RANBP17: variants seen among roughly 807,000 people sequenced by gnomAD.
The protein encoded by RANBP17 is ran-binding protein 17.
A neutral mutation model predicts 141.2 loss-of-function variants in RANBP17; 158 were observed. The ratio of observed to expected loss-of-function variants is 1.12; its 90% CI spans 0.98 to 1.28. The LOEUF (loss-of-function observed/expected upper bound fraction) is 1.28. Ranked by LOEUF, RANBP17 falls within the 50% of genes most tolerant of loss-of-function variation. The pLI is 0.00. For missense variants in RANBP17, 1,438 were observed against 1,290.7 expected (o/e 1.11, Z -1.75); for synonymous variants, 430 against 450.0 (o/e 0.96, Z 0.56).
rs556894450 is a variant in RANBP17 at position 171,125,905 on chromosome 5, A to G, written c.1711-44225A>G. ...TCCTGGGTTCAAGCAATTCTGCCTC[A>G]GCCTCCAGAGTAGCTAGGGTTACAG... On this transcript the variant is annotated intron_variant, in intron 14 of 27. Transcript: ENST00000523189. Among the ~76,000 whole-genome samples, 21 of 151,798 alleles carry G rather than the reference A, an allele frequency of 1.4e-4. 1 individual carries two copies. The South Asian group carries it at 4.4e-3, about 32-fold the overall frequency.
At chr5:171,121,348 G>A (rs938929178) in intron 14 of RANBP17, among the ~76,000 whole-genome samples, 2 of 152,238 alleles carry the variant, frequency 1.3e-5, no homozygotes, top group Non-Finnish European at 2.9e-5. Context: ...GGCCTGGAAC[G>A]CAAGTGCGAG....
At chr5:170,869,132 G>A (rs1767499957) in intron 1 of RANBP17, among the ~76,000 whole-genome samples, 1 of 152,138 alleles carries the variant, frequency 6.6e-6, no homozygotes, top group African/African-American at 2.4e-5. Flanking sequence ...GAAAAAAAGA[G>A]TGATTGGTAA....
intron 14 of RANBP17, among the ~76,000 whole-genome samples, chr5:171,018,325 TG>T (rs1780599697): frequency 6.6e-6 from 1 of 152,236 alleles, no homozygotes; most frequent in Non-Finnish European, 1.5e-5. Flanking sequence ...GGAATAGCAT[TG>T]AATCTATGAA....
At chr5:170,964,535 T>C (rs1257260381) in intron 13 of RANBP17, among the ~76,000 whole-genome samples, 1 of 152,164 alleles carries the variant, frequency 6.6e-6, no homozygotes, top group Admixed American at 6.5e-5. Flanking sequence ...CTCCTAATGC[T>C]ATCCCTTCCA....
rs3080623 is a variant in RANBP17, at chr5:170,894,486, T to TTATA, written c.424-1546_424-1543dup. On this transcript the variant is annotated intron_variant, in intron 4 of 27. Coordinates refer to ENST00000523189, the MANE Select transcript of RANBP17 (RefSeq NM_022897.5). ...CCATAGAATAGTTAGTACGTGTTTT[T>TTATA]TATATATATATATATATATATGGCT... is the stretch of plus-strand genomic sequence containing the variant. Among the ~76,000 whole-genome samples, 357 of 133,310 alleles carry TTATA rather than the reference T, an allele frequency of 2.7e-3. 20 individuals are homozygous for TTATA. Among genetic ancestry groups the TTATA allele is most frequent in the African/African-American group, 9.2e-3 (314 of 34,236 alleles). 87.5% of individuals were successfully genotyped at this position (133,310 alleles called of 152,430 possible). A position where few individuals can be genotyped will look rare whatever the true frequency, so the allele number is the denominator to read the frequency against.
At chr5:171,024,030 A>G (rs1259912191) in intron 14 of RANBP17, among the ~76,000 whole-genome samples, 2 of 152,202 alleles carry the variant, frequency 1.3e-5, no homozygotes, top group African/African-American at 4.8e-5. Flanking sequence ...TTAAAAAATA[A>G]ATATTCATTG....
At chr5:171,200,751 G>C (rs1762251202) in intron 19 of RANBP17, among the ~76,000 whole-genome samples, 1 of 152,108 alleles carries the variant, frequency 6.6e-6, no homozygotes, top group African/African-American at 2.4e-5. Flanking sequence ...GACACCCTTT[G>C]ATAATTATCT....
intron 12 of RANBP17, among the ~76,000 whole-genome samples, chr5:170,943,246 T>A (rs900669345): frequency 6.6e-6 from 1 of 152,194 alleles, no homozygotes; most frequent in Non-Finnish European, 1.5e-5. Context: ...GAAAATTATA[T>A]GCTCTTGTTA....
chr5:171,254,988 T>C (rs1765798561), intron 24 of RANBP17, among the ~76,000 whole-genome samples: 1 of 152,190 alleles, frequency 6.6e-6, no homozygotes, highest in African/African-American at 2.4e-5. Flanking sequence ...TTTAACAGGG[T>C]CACTTAGGTA....
chr5:171,194,455 A>G (rs1434595734), intron 18 of RANBP17, among the ~76,000 whole-genome samples: 1 of 152,192 alleles, frequency 6.6e-6, no homozygotes, highest in African/African-American at 2.4e-5. Context: ...AAATGGAATC[A>G]TACAATTTGT....
intron 14 of RANBP17, among the ~76,000 whole-genome samples, chr5:171,020,213 C>T (rs1034608920): frequency 9.9e-5 from 15 of 152,076 alleles, no homozygotes; most frequent in African/African-American, 3.6e-4. Flanking sequence ...AGAGTAAGTG[C>T]CTTGTGTCAC....
chr5:170,947,394 TC>T (rs1454130341), intron 12 of RANBP17, among the ~76,000 whole-genome samples: 2 of 152,208 alleles, frequency 1.3e-5, no homozygotes, highest in African/African-American at 4.8e-5. Flanking sequence ...CAGTTTACAT[TC>T]TGTTGGAATA....
intron 1 of RANBP17, among the ~76,000 whole-genome samples, chr5:170,865,023 G>A (rs4867635): frequency 2.6e-5 from 4 of 151,946 alleles, no homozygotes; most frequent in African/African-American, 4.8e-5. Context: ...TCTACAATTA[G>A]TTTGGAAGGT....
intron 14 of RANBP17, among the ~76,000 whole-genome samples, chr5:171,047,646 G>C (rs1388286803): frequency 6.6e-6 from 1 of 151,838 alleles, no homozygotes; most frequent in Non-Finnish European, 1.5e-5. Context: ...CACCATGTTG[G>C]GCAGGCTGGT....
At chr5:171,215,616 T>C (rs1763167824) in intron 21 of RANBP17, among the ~76,000 whole-genome samples, 1 of 152,198 alleles carries the variant, frequency 6.6e-6, no homozygotes, top group South Asian at 2.1e-4. Context: ...TGAGATGGTA[T>C]CTCATTGTGG....
intron 14 of RANBP17, among the ~76,000 whole-genome samples, chr5:171,036,574 A>G (rs1053304795): frequency 2.6e-5 from 4 of 152,122 alleles, no homozygotes; most frequent in Non-Finnish European, 4.4e-5. Flanking sequence ...CATACTACCC[A>G]TAGTTAGTTT....
chr5:170,955,491 G>GTC lies in RANBP17; in HGVS notation c.1574+1790_1574+1791insCT, dbSNP rs1453469500. The stretch of plus-strand genomic sequence containing the variant: ...CTATATATATATATATATATGCTCA[G>GTC]TGTGTATATATATATATGTATATAT... On this transcript the variant is annotated intron_variant, in intron 13 of 27. Coordinates refer to ENST00000523189, the MANE Select transcript of RANBP17 (RefSeq NM_022897.5). 1.4e-3 allele frequency among the ~76,000 whole-genome samples: 90 copies of GTC among 63,544 alleles called. 1 individual carries two copies. Among genetic ancestry groups the GTC allele is most frequent in the Non-Finnish European group, 2.2e-3 (64 of 29,498 alleles). The allele number at this position is 63,544 out of a possible 152,430, so 41.7% of individuals were successfully genotyped here. A position where few individuals can be genotyped will look rare whatever the true frequency, so the allele number is the denominator to read the frequency against.
chr5:170,969,808 T>G (rs927128415), intron 14 of RANBP17, among the ~76,000 whole-genome samples: 1 of 152,070 alleles, frequency 6.6e-6, no homozygotes, highest in African/African-American at 2.4e-5. Flanking sequence ...AAGCTTGCAC[T>G]TTAGGAAAAA....
intron 20 of RANBP17, among the ~76,000 whole-genome samples, chr5:171,208,069 T>C (rs1477971711): frequency 1.3e-5 from 2 of 152,172 alleles, no homozygotes; most frequent in East Asian, 3.8e-4. Context: ...CTGGGGAAAG[T>C]TTATTTGCCT....
Sources: allele counts gnomAD v4.1 joint callset (sites outside exome capture counted in the v4.1 genomes callset), GRCh38; gene constraint gnomAD v4.1.1; transcripts MANE v1.5; gene names NCBI Gene and HGNC (gene_info 2026-07-23, HGNC 2026-07-21).